Variants in OTUD6B observed in about 807,000 individuals in gnomAD.
OTUD6B encodes OTU deubiquitinase 6B, also known as deubiquitinase OTUD6B.
A neutral mutation model predicts 36.9 loss-of-function variants in OTUD6B; 41 were observed. The ratio of observed to expected loss-of-function variants is 1.11; its 90% CI spans 0.87 to 1.44. OTUD6B has a LOEUF of 1.44. Among genes scored for constraint, OTUD6B ranks in the 40% most tolerant of loss-of-function variants. OTUD6B has a pLI of 0.00. For synonymous variants in OTUD6B, 114 were observed against 114.2 expected (o/e 1.00, Z 0.01); for missense variants, 356 against 344.8 (o/e 1.03, Z -0.26).
At chr8:91,072,235 A>G (rs1812715087) in intron 2 of OTUD6B, among the ~76,000 whole-genome samples, 1 of 152,256 alleles carries the variant, frequency 6.6e-6, no homozygotes, top group Non-Finnish European at 1.5e-5. Context: ...AAGTAAGTAT[A>G]CATAATCCCA....
rs752811077 is a variant in OTUD6B at position 91,078,705 on chromosome 8, T to C, written c.628+37T>C. ...TTCTTTACTATGTTTTATTGTTGCTTTGTTGTAGTTGTTTTTAAATAAGGT... is the reference window on the plus strand; with the variant it reads ...TTCTTTACTATGTTTTATTGTTGCTCTGTTGTAGTTGTTTTTAAATAAGGT... On this transcript the variant is annotated intron_variant, in intron 4 of 6. Transcript: ENST00000404789. 10 of 1,399,188 alleles carry C rather than the reference T, an allele frequency of 7.1e-6. No homozygotes were observed. In the African/African-American group the frequency reaches 7.3e-5, roughly 10 times the overall value. The allele number at this position is 1,399,188 out of a possible 1,614,324, so 86.7% of individuals were successfully genotyped here.
At position 91,078,587 on chromosome 8, in the gene OTUD6B, A is replaced by T; in HGVS notation, c.547A>T (p.Thr183Ser). Residue 183 changes from threonine (T) to serine (S), a missense_variant, in exon 4 of 7, where the codon ACC becomes TCC. Physicochemically the swap from Thr to Ser is moderately conservative, Grantham distance 58. Coordinates refer to ENST00000404789, the MANE Select transcript of OTUD6B (RefSeq NM_016023.5). ...GACTGTGGTTGCCTTGAGAAGTCAG[A>T]CCGCTGAGTATATGCAAAGCCATGT... Reference protein sequence around the residue: ...ALTVVALRSQTAEYMQSHVED... With the variant: ...ALTVVALRSQSAEYMQSHVED... The T allele has an allele frequency of 6.2e-7, 1 of 1,604,670 alleles. No homozygotes were observed. The highest frequency in any genetic ancestry group is 1.1e-5 in the South Asian group (1 of 89,352).
intron 1 of OTUD6B, among the ~76,000 whole-genome samples, chr8:91,070,843 G>A (rs1812679913): frequency 6.6e-6 from 1 of 152,108 alleles, no homozygotes. Flanking sequence ...AGTTTAGGAG[G>A]TTCAGAAAGG....
At position 91,086,825 on chromosome 8, in the gene OTUD6B, A is replaced by G. The variant is rs1813025583; in HGVS notation, c.*1957A>G. On this transcript the variant is annotated 3_prime_UTR_variant, in exon 7 of 7. Coordinates refer to ENST00000404789, the MANE Select transcript of OTUD6B (RefSeq NM_016023.5). ...AAAAAGTGTTTAAATAAAATGACAG[A>G]TGTTAATTTAAAAGCAGCATATGCT... The G allele has an allele frequency of 6.6e-6, 1 of 152,074 alleles. No homozygotes were observed. Among genetic ancestry groups the G allele is most frequent in the Non-Finnish European group, 1.5e-5 (1 of 67,920 alleles). 9.4% of individuals were successfully genotyped at this position (152,074 alleles called of 1,614,324 possible). A position where few individuals can be genotyped will look rare whatever the true frequency, so the allele number is the denominator to read the frequency against.
chr8:91,078,150 C>A, intron 3 of OTUD6B: 1 of 600,724 alleles, frequency 1.7e-6, no homozygotes, highest in Non-Finnish European at 2.1e-6. Context: ...CAGTATAGAG[C>A]AAGGTGCTGG....
At chr8:91,080,825 C>A (rs1812890446) in intron 5 of OTUD6B, 95 bp downstream of exon 5, 4 of 851,284 alleles carry the variant, frequency 4.7e-6, no homozygotes, top group Admixed American at 2.7e-5. Context: ...ATCCCAATTT[C>A]TCTTTGAAGA....
chr8:91,078,566 G>C lies in OTUD6B; in HGVS notation c.526G>C (p.Val176Leu), dbSNP rs146818331. The change falls in exon 4 of 7, where the codon GTG becomes CTG. Residue 176 changes from valine (V) to leucine (L), a missense_variant. Val to Leu is a conservative substitution (Grantham distance 32). Transcript: ENST00000404789. ...GAAAGAAAAGGATTGTGCTCTGACT[G>C]TGGTTGCCTTGAGAAGTCAGACCGC... ...QLKEKDCALT[V>L]VALRSQTAEY... 3 of 1,607,956 alleles carry C rather than the reference G, an allele frequency of 1.9e-6. No homozygotes were observed. Among genetic ancestry groups the C allele is most frequent in the African/African-American group, 1.3e-5 (1 of 74,800 alleles).
intron 5 of OTUD6B, 132 bp from the exon 6 acceptor site, chr8:91,083,876 A>C: frequency 2.4e-5 from 23 of 946,754 alleles, no homozygotes; most frequent in Non-Finnish European, 3.3e-5. Context: ...TTAAGTGCCC[A>C]GTATATACCA....
At position 91,078,384 on chromosome 8, in the gene OTUD6B, G is replaced by C; in HGVS notation, c.344G>C (p.Arg115Pro). The C allele has an allele frequency of 6.3e-7, 1 of 1,587,184 alleles. No homozygotes were observed. The highest frequency in any genetic ancestry group is 8.6e-7 in the Non-Finnish European group (1 of 1,165,700). The change falls in exon 4 of 7, where the codon CGA (arginine) becomes CCA (proline). Residue 115 changes from arginine (R) to proline (P), a missense_variant. Coordinates refer to ENST00000404789, the MANE Select transcript of OTUD6B (RefSeq NM_016023.5). ...AAGAAAGCTGCATTGGAAAAGGAGC[G>C]AGAAGAACGGATAGCTGAAGCTGAA... ...REKKAALEKE[R>P]EERIAEAEIE...
At chr8:91,073,487 A>G (rs1812737832) in intron 2 of OTUD6B, among the ~76,000 whole-genome samples, 1 of 152,162 alleles carries the variant, frequency 6.6e-6, no homozygotes, top group Non-Finnish European at 1.5e-5. Context: ...GAACTGAGCC[A>G]GCACAGGACC....
At chr8:91,079,593 G>A (rs1812862069) in intron 4 of OTUD6B, among the ~76,000 whole-genome samples, 1 of 152,046 alleles carries the variant, frequency 6.6e-6, no homozygotes, top group Admixed American at 6.6e-5. Flanking sequence ...CTTATCTCTT[G>A]CTGTTTTAGG....
intron 4 of OTUD6B, among the ~76,000 whole-genome samples, chr8:91,080,253 T>A (rs890202137): frequency 6.6e-6 from 1 of 152,154 alleles, no homozygotes; most frequent in Admixed American, 6.6e-5. Flanking sequence ...TCCCAGAGTC[T>A]TACAGTAAAC....
At chr8:91,078,131 C>G in intron 3 of OTUD6B, 2 of 446,396 alleles carry the variant, frequency 4.5e-6, no homozygotes, top group Non-Finnish European at 5.9e-6. Context: ...AGAGGGCTTT[C>G]TTAATGTCCA....
intron 6 of OTUD6B, 107 bp from the exon 7 acceptor site, chr8:91,084,677 A>C: frequency 8.6e-7 from 1 of 1,160,158 alleles, no homozygotes; most frequent in Non-Finnish European, 1.1e-6. Flanking sequence ...ACCCATGTGG[A>C]CTGAGTCATT....
chr8:91,076,509 G>A (rs1812805515), intron 3 of OTUD6B: 1 of 1,517,140 alleles, frequency 6.6e-7, no homozygotes, highest in Non-Finnish European at 8.8e-7. Context: ...TTGCAGATAA[G>A]ATAAAGTGCC....
At chr8:91,077,142 T>A (rs1812817090) in intron 3 of OTUD6B, among the ~76,000 whole-genome samples, 1 of 152,080 alleles carries the variant, frequency 6.6e-6, no homozygotes, top group East Asian at 1.9e-4. Flanking sequence ...TATAACTTAG[T>A]TTTTATTCTT....
intron 5 of OTUD6B, among the ~76,000 whole-genome samples, chr8:91,082,074 T>C (rs1812917838): frequency 6.6e-6 from 1 of 152,086 alleles, no homozygotes; most frequent in Admixed American, 6.6e-5. Context: ...TAGAGTAAAT[T>C]TAAGTTATTA....
At chr8:91,071,311 C>A in intron 2 of OTUD6B, 22 bp downstream of exon 2, 1 of 1,585,176 alleles carries the variant, frequency 6.3e-7, no homozygotes, top group South Asian at 1.1e-5. Context: ...AAATGTTTGT[C>A]GTTGCCTACA....
intron 3 of OTUD6B, among the ~76,000 whole-genome samples, chr8:91,074,161 G>T (rs1812758596): frequency 6.6e-6 from 1 of 152,134 alleles, no homozygotes; most frequent in South Asian, 2.1e-4. Context: ...ATTTTATGGA[G>T]AAGAAAATGA....
Sources: allele counts gnomAD v4.1 joint callset (sites outside exome capture counted in the v4.1 genomes callset), GRCh38; gene constraint gnomAD v4.1.1; transcripts MANE v1.5; gene names NCBI Gene and HGNC (gene_info 2026-07-23, HGNC 2026-07-21).